The following FTO variants were observed in gnomAD, a reference collection of about 807,000 sequenced individuals.
The protein encoded by FTO is alpha-ketoglutarate-dependent dioxygenase FTO.
A neutral mutation model predicts 63.9 loss-of-function variants in FTO; 47 were observed. The ratio of observed to expected loss-of-function variants is 0.74; its 90% CI spans 0.58 to 0.94. The LOEUF is 0.94. Ranked by LOEUF, FTO falls within the 40% of genes least tolerant of loss-of-function variation. FTO has a pLI of 0.00. For missense variants in FTO, 562 were observed against 618.1 expected, an observed-to-expected ratio of 0.91 and a Z score of 0.96; for synonymous variants, 207 against 224.4, an observed-to-expected ratio of 0.92 and a Z score of 0.69.
intron 7 of FTO, 129 bp downstream of exon 7, chr16:53,889,080 G>C: frequency 9.0e-7 from 1 of 1,111,394 alleles, no homozygotes. Context: ...TTCTTGGTAA[G>C]GTGATGGGTA....
chr16:53,781,240 T>C (rs1267397883), intron 1 of FTO, among the ~76,000 whole-genome samples: 1 of 152,252 alleles, frequency 6.6e-6, no homozygotes, highest in Non-Finnish European at 1.5e-5. Flanking sequence ...TAGTAGTTCC[T>C]GGTATTTGTA....
chr16:53,857,482 A>G (rs1464406797), intron 4 of FTO, among the ~76,000 whole-genome samples: 1 of 150,746 alleles, frequency 6.6e-6, no homozygotes, highest in Non-Finnish European at 1.5e-5. Flanking sequence ...ATATATATAT[A>G]GGAAGTCCTG....
intron 1 of FTO, among the ~76,000 whole-genome samples, chr16:53,716,670 T>C (rs780572873): frequency 6.1e-4 from 93 of 151,984 alleles, no homozygotes; most frequent in Non-Finnish European, 1.2e-3. Context: ...TTCGTAAATA[T>C]AGAACCACAC....
At chr16:53,837,199 A>T (rs1051137890) in intron 3 of FTO, among the ~76,000 whole-genome samples, 5 of 152,096 alleles carry the variant, frequency 3.3e-5, no homozygotes, top group Non-Finnish European at 5.9e-5. Flanking sequence ...TCTCCTTTTC[A>T]TACTTTCAAT....
chr16:54,061,173 G>A (rs1489610270), intron 8 of FTO, among the ~76,000 whole-genome samples: 3 of 152,116 alleles, frequency 2.0e-5, no homozygotes, highest in East Asian at 1.9e-4. Flanking sequence ...AGAAACATGC[G>A]GTGATTCGGA....
intron 8 of FTO, among the ~76,000 whole-genome samples, chr16:54,008,096 G>A (rs1221575430): frequency 1.3e-5 from 2 of 152,152 alleles, no homozygotes; most frequent in African/African-American, 4.8e-5. Context: ...TTTACAAGTT[G>A]TTGACAATTA....
At chr16:53,941,028 C>T (rs770717625) in intron 8 of FTO, among the ~76,000 whole-genome samples, 2 of 152,130 alleles carry the variant, frequency 1.3e-5, no homozygotes, top group Admixed American at 6.5e-5. Flanking sequence ...GAACTTTGAT[C>T]GGGGCTCAAC....
At chr16:54,085,121 G>C (rs1447246404) in intron 8 of FTO, among the ~76,000 whole-genome samples, 3 of 152,172 alleles carry the variant, frequency 2.0e-5, no homozygotes, top group African/African-American at 4.8e-5. Context: ...AATCCAGCAG[G>C]CTCCCTGATG....
intron 8 of FTO, among the ~76,000 whole-genome samples, chr16:54,089,373 C>A (rs960278815): frequency 6.6e-5 from 10 of 152,164 alleles, no homozygotes; most frequent in Non-Finnish European, 1.5e-4. Context: ...GGGAAACAGT[C>A]CTTCCAGAGT....
chr16:54,048,112 T>TAAAA (rs71380059), intron 8 of FTO, among the ~76,000 whole-genome samples: 1 of 36,338 alleles, frequency 2.8e-5, no homozygotes, highest in Non-Finnish European at 4.5e-5. Flanking sequence ...TAGAGTATAA[T>TAAAA]AAAAAAAAAA....
chr16:53,911,444 C>T (rs2081700657), intron 7 of FTO: 2 of 703,062 alleles, frequency 2.8e-6, no homozygotes. Flanking sequence ...AAGAAGTGGC[C>T]ATACCGTTGC....
At chr16:53,917,295 A>G (rs2081894128) in intron 7 of FTO, among the ~76,000 whole-genome samples, 1 of 152,196 alleles carries the variant, frequency 6.6e-6, no homozygotes, top group African/African-American at 2.4e-5. Context: ...GTCATTTCAT[A>G]GTTTAGGAGG....
chr16:54,064,326 G>A (rs2085667396), intron 8 of FTO, among the ~76,000 whole-genome samples: 1 of 152,076 alleles, frequency 6.6e-6, no homozygotes, highest in South Asian at 2.1e-4. Flanking sequence ...CTTTATTTTA[G>A]TTTATCATTT....
rs771859785 is a variant in FTO at position 54,111,809 on chromosome 16, A to G, written c.1412A>G (p.Glu471Gly). ...ACATTACCTGCTGATCAGAAGCCAG[A>G]ATGTCGGCCATACTGGGAAAAGGAT... The part of the protein sequence containing the change: ...ARTLPADQKP[E>G]CRPYWEKDDA... Residue 471 changes from glutamate to glycine, a missense_variant, in exon 9 of 9, where the codon GAA becomes GGA. Physicochemically the swap from Glu to Gly is moderately conservative, Grantham distance 98. Transcript: ENST00000471389. 1.6e-5 allele frequency: 26 copies of G among 1,613,994 alleles called. No individual in the cohort carries two copies. The highest frequency in any genetic ancestry group is 2.2e-5 in the Non-Finnish European group (26 of 1,180,000).
At chr16:53,984,301 A>G (rs1349329157) in intron 8 of FTO, among the ~76,000 whole-genome samples, 1 of 111,676 alleles carries the variant, frequency 9.0e-6, no homozygotes, top group Non-Finnish European at 1.9e-5. Flanking sequence ...TCCCTCCTCT[A>G]TCCCTCCCTT....
At chr16:54,056,419 A>G (rs1215771977) in intron 8 of FTO, among the ~76,000 whole-genome samples, 19 of 152,234 alleles carry the variant, frequency 1.2e-4, no homozygotes, top group African/African-American at 4.6e-4. Flanking sequence ...TAGAATTTCC[A>G]AGATGGCCCC....
intron 8 of FTO, 103 bp downstream of exon 8, chr16:53,934,212 C>G: frequency 1.6e-6 from 2 of 1,285,134 alleles, no homozygotes; most frequent in South Asian, 1.2e-5. Context: ...CTTTGAGGGC[C>G]CATGAAAAAT....
intron 8 of FTO, chr16:54,040,678 A>G (rs2192871): frequency 0.47 from 71,477 of 152,144 alleles, 18,957 homozygotes; most frequent in African/African-American, 0.71. Flanking sequence ...GTTACATGCA[A>G]AGCAAACGGT....
At chr16:54,110,876 C>T (rs2086868703) in intron 8 of FTO, among the ~76,000 whole-genome samples, 1 of 152,172 alleles carries the variant, frequency 6.6e-6, no homozygotes, top group Non-Finnish European at 1.5e-5. Context: ...TTCCTTAATG[C>T]AATCTGTTTC....
Sources: gnomAD v4.1 joint callset for allele counts (sites outside exome capture counted in the v4.1 genomes callset) on GRCh38, gnomAD v4.1.1 for gene constraint, MANE v1.5 for transcripts, NCBI Gene and HGNC (gene_info 2026-07-23, HGNC 2026-07-21) for gene names.